FSIP1: variants seen among roughly 807,000 people sequenced by gnomAD.
FSIP1 encodes the protein fibrous sheath-interacting protein 1.
FSIP1 carries 65 observed loss-of-function variants against 60.9 expected under a neutral mutation model. That is an observed-to-expected ratio of 1.07 (90% CI 0.87 to 1.31). The LOEUF (loss-of-function observed/expected upper bound fraction) is 1.31, where lower values mean the gene tolerates loss of function less well. Ranked by LOEUF, FSIP1 falls within the 40% of genes most tolerant of loss-of-function variation. The pLI is 0.00. For synonymous variants in FSIP1, 209 were observed against 221.2 expected, an observed-to-expected ratio of 0.94 and a Z score of 0.49; for missense variants, 675 against 665.5, an observed-to-expected ratio of 1.01 and a Z score of -0.16.
chr15:39,608,198 AC>A (rs1890896083), intron 11 of FSIP1, among the ~76,000 whole-genome samples: 1 of 152,238 alleles, frequency 6.6e-6, no homozygotes, highest in South Asian at 2.1e-4. Context: ...ACATATTCAC[AC>A]CTAAGACACC....
At position 39,630,049 on chromosome 15, in the gene FSIP1, T is replaced by C. The variant is rs1169102587; in HGVS notation, c.1189-11804A>G. On this transcript the variant is annotated intron_variant, in intron 10 of 11. Coordinates refer to ENST00000350221, the MANE Select transcript of FSIP1 (RefSeq NM_152597.5). ...TTTCCCAGGGTTGAGCAAGTGCTCC[T>C]GAAGCTCTGCCCTGTCTAGACACGT... 2.0e-5 allele frequency among the ~76,000 whole-genome samples: 3 copies of C among 152,230 alleles called. No individual in the cohort carries two copies. The South Asian group carries it at 6.2e-4, about 32-fold the overall frequency.
intron 10 of FSIP1, among the ~76,000 whole-genome samples, chr15:39,694,833 T>G (rs114135373): frequency 6.6e-6 from 1 of 151,626 alleles, no homozygotes; most frequent in Non-Finnish European, 1.5e-5. Context: ...AAAAAAAAGA[T>G]ATATATATAT....
chr15:39,676,388 G>A (rs1893942010), intron 10 of FSIP1, among the ~76,000 whole-genome samples: 1 of 151,976 alleles, frequency 6.6e-6, no homozygotes, highest in Non-Finnish European at 1.5e-5. Flanking sequence ...ATAATTTTTG[G>A]GCCCAGTAAG....
chr15:39,617,537 G>A (rs926701628), intron 11 of FSIP1, among the ~76,000 whole-genome samples, 198 bp downstream of exon 11: 4 of 152,118 alleles, frequency 2.6e-5, no homozygotes, highest in African/African-American at 9.7e-5. Flanking sequence ...CAAGAATAAC[G>A]TATTTCATAG....
At chr15:39,681,843 T>C (rs2140488112) in intron 10 of FSIP1, among the ~76,000 whole-genome samples, 1 of 152,268 alleles carries the variant, frequency 6.6e-6, no homozygotes, top group South Asian at 2.1e-4. Flanking sequence ...GCTCAGAGTG[T>C]CCATCAGATA....
intron 8 of FSIP1, among the ~76,000 whole-genome samples, chr15:39,731,924 T>C (rs559991543): frequency 1.3e-5 from 2 of 152,218 alleles, no homozygotes; most frequent in South Asian, 4.1e-4. Context: ...TAGATGAAAA[T>C]ATTTCTTAAA....
At chr15:39,756,069 T>C (rs1351984656) in intron 5 of FSIP1, among the ~76,000 whole-genome samples, 1 of 152,130 alleles carries the variant, frequency 6.6e-6, no homozygotes, top group African/African-American at 2.4e-5. Context: ...GCAAGTACAA[T>C]ATTGTTTACT....
intron 10 of FSIP1, among the ~76,000 whole-genome samples, chr15:39,703,785 T>C (rs1235817165): frequency 6.6e-6 from 1 of 152,114 alleles, no homozygotes; most frequent in African/African-American, 2.4e-5. Context: ...CATTTTCCTC[T>C]CAAAGAACTC....
chr15:39,685,730 G>A (rs1566884746), intron 10 of FSIP1, among the ~76,000 whole-genome samples: 1 of 152,146 alleles, frequency 6.6e-6, no homozygotes, highest in Non-Finnish European at 1.5e-5. Context: ...CAAAAGATGA[G>A]TTTTTCTATT....
At chr15:39,657,432 C>T (rs972846193) in intron 10 of FSIP1, among the ~76,000 whole-genome samples, 1 of 151,982 alleles carries the variant, frequency 6.6e-6, no homozygotes, top group Admixed American at 6.6e-5. Flanking sequence ...AAAACACTCT[C>T]CAACAAAAAC....
At chr15:39,650,065 G>A (rs994413564) in intron 10 of FSIP1, among the ~76,000 whole-genome samples, 4 of 152,110 alleles carry the variant, frequency 2.6e-5, no homozygotes, top group African/African-American at 7.2e-5. Flanking sequence ...ATCAGCATTC[G>A]CAACCTGAAC....
At chr15:39,633,658 A>G (rs535801996) in intron 10 of FSIP1, among the ~76,000 whole-genome samples, 47 of 152,348 alleles carry the variant, frequency 3.1e-4, no homozygotes, top group African/African-American at 1.1e-3. Context: ...AGTTAATTGA[A>G]TAAATATATA....
chr15:39,655,413 A>G (rs1325176647), intron 10 of FSIP1, among the ~76,000 whole-genome samples: 1 of 152,198 alleles, frequency 6.6e-6, no homozygotes, highest in Non-Finnish European at 1.5e-5. Flanking sequence ...TCAGAAAAAC[A>G]AGCCTCAAAA....
chr15:39,640,727 C>CAA (rs111962610), intron 10 of FSIP1, among the ~76,000 whole-genome samples: 14,298 of 99,900 alleles, frequency 0.14, 819 homozygotes, highest in Middle Eastern at 0.29. Context: ...GATTTACAGA[C>CAA]AAAAAAAAAA....
At chr15:39,762,372 C>T (rs543255783) in intron 5 of FSIP1, among the ~76,000 whole-genome samples, 39 of 152,336 alleles carry the variant, frequency 2.6e-4, no homozygotes, top group Admixed American at 2.3e-3. Context: ...TTCACACAGC[C>T]TTCTTCCCTG....
chr15:39,714,422 A>C (rs1009100887), intron 9 of FSIP1, among the ~76,000 whole-genome samples: 5 of 151,194 alleles, frequency 3.3e-5, no homozygotes, highest in African/African-American at 1.2e-4. Context: ...CAGTAATGAC[A>C]TTTTTGAAAT....
chr15:39,760,443 T>C (rs911921181), intron 5 of FSIP1, among the ~76,000 whole-genome samples: 1 of 152,098 alleles, frequency 6.6e-6, no homozygotes, highest in African/African-American at 2.4e-5. Context: ...AGGTGAAACA[T>C]TACCAATAAT....
At chr15:39,736,637 G>T (rs1896619470) in intron 8 of FSIP1, among the ~76,000 whole-genome samples, 1 of 152,204 alleles carries the variant, frequency 6.6e-6, no homozygotes, top group Non-Finnish European at 1.5e-5. Context: ...AGGGATCACT[G>T]CACATGCACT....
intron 11 of FSIP1, among the ~76,000 whole-genome samples, chr15:39,611,492 T>C (rs2412420): frequency 0.22 from 33,555 of 151,842 alleles, 4,856 homozygotes; most frequent in African/African-American, 0.4. Flanking sequence ...TAAACACAAA[T>C]AAAAACCTGT....
Sources: allele counts gnomAD v4.1 joint callset (sites outside exome capture counted in the v4.1 genomes callset), GRCh38; gene constraint gnomAD v4.1.1; transcripts MANE v1.5; gene names NCBI Gene and HGNC (gene_info 2026-07-23, HGNC 2026-07-21).